The following LRFN5 variants were observed in gnomAD, a reference collection of about 807,000 sequenced individuals.
LRFN5 encodes the protein leucine rich repeat and fibronectin type III domain containing 5, also known as leucine-rich repeat and fibronectin type-III domain-containing protein 5.
A neutral mutation model predicts 45.6 loss-of-function variants in LRFN5; 24 were observed. The observed-to-expected ratio is 0.53, with a 90% CI of 0.38 to 0.74. The LOEUF (loss-of-function observed/expected upper bound fraction) is 0.74. Ranked by LOEUF, LRFN5 falls within the 30% of genes least tolerant of loss-of-function variation. The pLI, the probability that LRFN5 is intolerant of heterozygous loss-of-function variation, is 0.00. For missense variants in LRFN5, 776 were observed against 861.5 expected, an observed-to-expected ratio of 0.90 and a Z score of 1.24; for synonymous variants, 340 against 313.8, an observed-to-expected ratio of 1.08 and a Z score of -0.88.
intron 1 of LRFN5, among the ~76,000 whole-genome samples, chr14:41,650,493 G>A (rs1229938091): frequency 6.6e-6 from 1 of 151,934 alleles, no homozygotes; most frequent in African/African-American, 2.4e-5. Flanking sequence ...ACAACAAATC[G>A]GTGAGCTAAT....
chr14:41,757,936 C>G (rs753616904), intron 1 of LRFN5, among the ~76,000 whole-genome samples: 2 of 152,096 alleles, frequency 1.3e-5, no homozygotes, highest in Non-Finnish European at 1.5e-5. Flanking sequence ...ATAGAGTGAG[C>G]TATCAGAAAT....
At chr14:41,808,410 A>C (rs1887609135) in intron 2 of LRFN5, among the ~76,000 whole-genome samples, 1 of 107,324 alleles carries the variant, frequency 9.3e-6, no homozygotes, top group African/African-American at 3.6e-5. Flanking sequence ...AAAGGAAGAA[A>C]GGAAGGAAGG....
At position 41,800,140 on chromosome 14, in the gene LRFN5, T is replaced by C. The variant is rs544423520; in HGVS notation, c.-21+33111T>C. On this transcript the variant is annotated intron_variant, in intron 2 of 5. Transcript: ENST00000298119. ...AATTTGACACCTTACTGATGTACCATGTGGGTCACTTAAAATTTCAAGTTG... is the reference window on the plus strand; with the variant it reads ...AATTTGACACCTTACTGATGTACCACGTGGGTCACTTAAAATTTCAAGTTG... Among the ~76,000 whole-genome samples, 248 of 152,222 alleles carry C rather than the reference T, an allele frequency of 1.6e-3. 1 individual carries two copies. The highest frequency in any genetic ancestry group is 2.6e-3 in the Non-Finnish European group (179 of 67,986).
At chr14:41,709,647 T>A in intron 1 of LRFN5, among the ~76,000 whole-genome samples, 1 of 152,068 alleles carries the variant, frequency 6.6e-6, no homozygotes, top group East Asian at 1.9e-4. Flanking sequence ...ATGTCACCCA[T>A]CTTAATTTAT....
rs986614744 is a variant in LRFN5 at position 41,803,483 on chromosome 14, C to G, written c.-21+36454C>G. Among the ~76,000 whole-genome samples the G allele has an allele frequency of 8.6e-5, 13 of 151,932 alleles. No homozygotes were observed. In the East Asian group the frequency reaches 2.5e-3, roughly 30 times the overall value. ...CCTTCAGTCTCAGCCTCCTGAGTAG[C>G]TAGGACTACAAGTGCACCCCTTTGT... On this transcript the variant is annotated intron_variant, in intron 2 of 5. Coordinates refer to ENST00000298119, the MANE Select transcript of LRFN5 (RefSeq NM_152447.5).
chr14:41,857,885 G>T (rs1889526806), intron 2 of LRFN5, among the ~76,000 whole-genome samples: 1 of 152,168 alleles, frequency 6.6e-6, no homozygotes, highest in East Asian at 1.9e-4. Flanking sequence ...GAAGAGAAAA[G>T]AGATAGTTCC....
chr14:41,779,584 G>C (rs186256365), intron 2 of LRFN5, among the ~76,000 whole-genome samples: 163 of 151,972 alleles, frequency 1.1e-3, no homozygotes, highest in Non-Finnish European at 2.8e-4. Context: ...GAATTTGCCA[G>C]TGAAATAGTC....
At chr14:41,719,288 A>T (rs1883616567) in intron 1 of LRFN5, among the ~76,000 whole-genome samples, 1 of 152,148 alleles carries the variant, frequency 6.6e-6, no homozygotes. Flanking sequence ...TTTCCATTTT[A>T]GCAAGAGTAG....
intron 1 of LRFN5, among the ~76,000 whole-genome samples, chr14:41,636,943 G>C (rs1879334955): frequency 6.6e-6 from 1 of 152,180 alleles, no homozygotes; most frequent in African/African-American, 2.4e-5. Context: ...GCGGCAGCAT[G>C]AATCACTGAG....
At chr14:41,694,204 TTACTC>T (rs1251590196) in intron 1 of LRFN5, among the ~76,000 whole-genome samples, 2 of 151,974 alleles carry the variant, frequency 1.3e-5, no homozygotes. Flanking sequence ...CATTTGAAAT[TTACTC>T]TGTTAGTTAT....
At chr14:41,650,299 GAGAT>G (rs1182714500) in intron 1 of LRFN5, among the ~76,000 whole-genome samples, 1 of 137,640 alleles carries the variant, frequency 7.3e-6, no homozygotes, top group African/African-American at 2.6e-5. Flanking sequence ...ACACAGATGA[GAGAT>G]AGAGGTTTAA....
At chr14:41,867,433 C>A (rs17112346) in intron 2 of LRFN5, among the ~76,000 whole-genome samples, 6,315 of 152,120 alleles carry the variant, frequency 0.042, 476 homozygotes, top group African/African-American at 0.14. Context: ...ATCCAAATCT[C>A]TGGCTTATGA....
intron 1 of LRFN5, among the ~76,000 whole-genome samples, chr14:41,690,470 T>TTGCG (rs2138703904): frequency 6.6e-6 from 1 of 152,254 alleles, no homozygotes; most frequent in Non-Finnish European, 1.5e-5. Flanking sequence ...TGAAAATCAC[T>TTGCG]TGCGCCCTTG....
intron 2 of LRFN5, among the ~76,000 whole-genome samples, chr14:41,876,444 CTT>C (rs71105408): frequency 0.019 from 2,509 of 129,028 alleles, 68 homozygotes; most frequent in African/African-American, 0.062. Flanking sequence ...CCATGCCTGG[CTT>C]TTTTTTTTTT....
rs187615203 is a variant in LRFN5 at position 41,716,053 on chromosome 14, C to G, written c.-196-50801C>G. ...GGAAGCTGCCAAGGCTTGAGGCTTGCACCCTATGAAGCCACGGTCTAAGCT... is the reference window on the plus strand; with the variant it reads ...GGAAGCTGCCAAGGCTTGAGGCTTGGACCCTATGAAGCCACGGTCTAAGCT... On this transcript the variant is annotated intron_variant, in intron 1 of 5. Coordinates refer to ENST00000298119, the MANE Select transcript of LRFN5 (RefSeq NM_152447.5). 1.4e-4 allele frequency among the ~76,000 whole-genome samples: 21 copies of G among 152,296 alleles called. No individual in the cohort carries two copies. In the East Asian group the frequency reaches 4.1e-3, roughly 29 times the overall value.
intron 2 of LRFN5, among the ~76,000 whole-genome samples, chr14:41,774,039 T>A (rs1886189479): frequency 6.6e-6 from 1 of 152,170 alleles, no homozygotes; most frequent in South Asian, 2.1e-4. Context: ...TACTGTGAAA[T>A]GTCCAGGGAA....
At chr14:41,869,584 T>C (rs8017238) in intron 2 of LRFN5, among the ~76,000 whole-genome samples, 6,312 of 152,218 alleles carry the variant, frequency 0.041, 477 homozygotes, top group African/African-American at 0.14. Context: ...TTCATGCTGC[T>C]GATAAAGATG....
chr14:41,776,897 A>G lies in LRFN5; in HGVS notation c.-21+9868A>G, dbSNP rs532323763. 3.9e-5 allele frequency among the ~76,000 whole-genome samples: 6 copies of G among 152,118 alleles called. No individual in the cohort carries two copies. In the South Asian group the frequency reaches 8.3e-4, roughly 21 times the overall value. On this transcript the variant is annotated intron_variant, in intron 2 of 5. Transcript: ENST00000298119. ...TTAAGTTGGATTTGCAGTACTGTAC[A>G]GTTCCATTTATGTTTTCCATACTTA...
At chr14:41,788,052 A>G (rs1478298982) in intron 2 of LRFN5, among the ~76,000 whole-genome samples, 1 of 152,022 alleles carries the variant, frequency 6.6e-6, no homozygotes, top group Non-Finnish European at 1.5e-5. Flanking sequence ...CCTCACCAGA[A>G]CTCAACTCTT....
Sources: allele counts gnomAD v4.1 joint callset (sites outside exome capture counted in the v4.1 genomes callset), GRCh38; gene constraint gnomAD v4.1.1; transcripts MANE v1.5; gene names NCBI Gene and HGNC (gene_info 2026-07-23, HGNC 2026-07-21).